Variants in PLEC observed in about 807,000 individuals in gnomAD.
PLEC encodes hemidesmosomal protein 1.
PLEC carries 216 observed loss-of-function variants against 392.8 expected under a neutral mutation model. That is an observed-to-expected ratio of 0.55 (90% CI 0.49 to 0.62). PLEC has a LOEUF of 0.62. PLEC is among the 20% of genes least tolerant of loss of function. The pLI is 0.00. For synonymous variants in PLEC, 3,621 were observed against 2,980.6 expected, an observed-to-expected ratio of 1.21 and a Z score of -7.00; for missense variants, 6,863 against 6,563.4, an observed-to-expected ratio of 1.05 and a Z score of -1.58.
At chr8:143,975,186 G>C, upstream of PLEC, 1 of 1,599,876 alleles carries the variant, frequency 6.3e-7, no homozygotes, top group Non-Finnish European at 8.5e-7. This position sits in a 1 kb window ranked among gnomAD's most constrained non-coding sequence, Gnocchi z 9.9. Context: ...CCTGCGATGC[G>C]AATGACCGCC....
Position 143,926,990 on chromosome 8 carries a change from C to A in PLEC, c.3932G>T (p.Ser1311Ile). The A allele has an allele frequency of 6.2e-7, 1 of 1,613,158 alleles. No homozygotes were observed. The highest frequency in any genetic ancestry group is 8.5e-7 in the Non-Finnish European group (1 of 1,179,876). ...KKPKVQSGSESVIQEYVDLRT... is the reference protein window; with the variant it reads ...KKPKVQSGSEIVIQEYVDLRT... ...GCCCCACCCTACCTCCTGGATGACA[C>A]TCTCTGATCCCGACTGGACCTTGGG... is the stretch of plus-strand genomic sequence containing the variant. Residue 1311 changes from serine (S) to isoleucine (I), a missense_variant, in exon 29 of 32, where the codon AGT (serine) becomes ATT (isoleucine). Physicochemically the swap from Ser to Ile is moderately radical, Grantham distance 142. Coordinates refer to ENST00000345136, the MANE Select transcript of PLEC (RefSeq NM_201384.3).
At chr8:143,938,365 C>G (rs1554725411) in intron 2 of PLEC, 125 bp from the exon 3 acceptor site, 20 of 1,535,710 alleles carry the variant, frequency 1.3e-5, no homozygotes, top group Non-Finnish European at 1.7e-5. Flanking sequence ...CTCCCGGGAG[C>G]CCACGGAACA....
chr8:143,936,083 A>G (rs908780049), intron 5 of PLEC, 69 bp from the exon 6 acceptor site: 2 of 1,558,090 alleles, frequency 1.3e-6, no homozygotes, highest in Non-Finnish European at 1.8e-6. Context: ...CCACAGCCAC[A>G]TGCACAGGGG....
upstream of PLEC, chr8:143,975,511 C>A (rs1433950201): frequency 7.0e-6 from 5 of 718,366 alleles, no homozygotes; most frequent in Admixed American, 2.0e-5. This position sits in a 1 kb window ranked among gnomAD's most constrained non-coding sequence, Gnocchi z 9.9. Context: ...GGCACCCACA[C>A]CCCTCCTGCA....
In PLEC at chr8:143,917,450, T is replaced by C; in HGVS notation, c.12371A>G (p.Lys4124Arg). 6.2e-7 allele frequency: 1 copy of C among 1,613,682 alleles called. No homozygotes were observed. The highest frequency in any genetic ancestry group is 1.1e-5 in the South Asian group (1 of 91,084). Residue 4124 changes from lysine to arginine, a missense_variant, in exon 32 of 32, where the codon AAG (lysine) becomes AGG (arginine). By Grantham distance (26) the Lys-to-Arg change is conservative (BLOSUM62 2). Transcript: ENST00000345136. Reference sequence around the variant, plus strand: ...GGAGGACGTCTTCCGCTCCCGCTTCTTCTCCTTCAGCGGCAAGAGACACAG... The same window carrying C: ...GGAGGACGTCTTCCGCTCCCGCTTCCTCTCCTTCAGCGGCAAGAGACACAG... ...TGLCLLPLKEKKRERKTSSKS... is the reference protein window; with the variant it reads ...TGLCLLPLKERKRERKTSSKS...
rs1276096942 is a variant in PLEC, at chr8:143,933,274, G to A, written c.1341C>T (p.Ser447=). The A allele has an allele frequency of 6.2e-7, 1 of 1,613,072 alleles. No homozygotes were observed. Among genetic ancestry groups the A allele is most frequent in the East Asian group, 2.2e-5 (1 of 44,888 alleles). The change falls in exon 13 of 32, where the codon AGC becomes AGT. Residue 447 remains serine (S), a synonymous_variant. Coordinates refer to ENST00000345136, the MANE Select transcript of PLEC (RefSeq NM_201384.3). The part of the protein sequence containing the change: ...EVERDLDKAD[S]MIRLLFNDVQ... ...CGTCGTTGAAGAGCAGCCGGATCATGCTATCCGCCTTGTCCAAGTCCCGTT... is the reference window on the plus strand; with the variant it reads ...CGTCGTTGAAGAGCAGCCGGATCATACTATCCGCCTTGTCCAAGTCCCGTT...
chr8:143,931,877 T>A, intron 18 of PLEC, 60 bp downstream of exon 18: 1 of 1,491,048 alleles, frequency 6.7e-7, no homozygotes, highest in Non-Finnish European at 9.2e-7. Context: ...GCCGAGGGGG[T>A]CCAGGGGCTC....
In PLEC at chr8:143,933,983, C is replaced by CCCACCGACTGCTG. The variant is rs782198482; in HGVS notation, c.1263+14_1263+15insCAGCAGTCGGTGG. 6 of 1,604,188 alleles carry CCCACCGACTGCTG rather than the reference C, an allele frequency of 3.7e-6. No individual in the cohort carries two copies. The African/African-American group carries it at 8.0e-5, about 21-fold the overall frequency. ...GGCCTCCCTCCCGCCCACTGCCTGC[C>CCCACCGACTGCTG]CCACACCCCCTCACCGACTGCAGCA... On this transcript the variant is annotated intron_variant, in intron 12 of 31. Transcript: ENST00000345136.
In PLEC at chr8:143,927,475, C is replaced by G. The variant is rs1554707525; in HGVS notation, c.3691G>C (p.Glu1231Gln). ...AWLQDARRRQ[E>Q]QIQAMPLADS... is the part of the protein sequence containing the mutation. ...GCCAGCGGCATGGCCTGGATCTGCTCCTGCCGCCGCCTGGCGTCCTGCAGC... is the reference window on the plus strand; with the variant it reads ...GCCAGCGGCATGGCCTGGATCTGCTGCTGCCGCCGCCTGGCGTCCTGCAGC... Residue 1231 changes from glutamate to glutamine, a missense_variant, in exon 27 of 32, where the codon GAG becomes CAG. Transcript: ENST00000345136. 6.3e-7 allele frequency: 1 copy of G among 1,596,990 alleles called. No homozygotes were observed. The highest frequency in any genetic ancestry group is 1.1e-5 in the South Asian group (1 of 90,902).
Position 143,929,430 on chromosome 8 carries a change from C to A in PLEC, c.3065G>T (p.Arg1022Leu), listed in dbSNP as rs782471913. The A allele has an allele frequency of 2.3e-5, 36 of 1,571,696 alleles. No individual in the cohort carries two copies. The highest frequency in any genetic ancestry group is 3.0e-5 in the Non-Finnish European group (35 of 1,160,706). ...DKEPARECAQRIAEQQKAQAE... is the reference protein window; with the variant it reads ...DKEPARECAQLIAEQQKAQAE... ...GGCCCCTGCCTGCTGCTCGGCGATGCGCTGGGCACACTCCCGTGCCGGCTC... is the reference window on the plus strand; with the variant it reads ...GGCCCCTGCCTGCTGCTCGGCGATGAGCTGGGCACACTCCCGTGCCGGCTC... Residue 1022 changes from arginine to leucine, a missense_variant, in exon 24 of 32, where the codon CGC becomes CTC. Arg to Leu is a moderately radical substitution (Grantham distance 102, BLOSUM62 -2). Transcript: ENST00000345136.
upstream of PLEC, among the ~76,000 whole-genome samples, chr8:143,943,461 G>A (rs924670374): frequency 4.6e-5 from 7 of 152,338 alleles, no homozygotes; most frequent in East Asian, 1.4e-3. Context: ...GGCCGGACAG[G>A]CACCTGCCCA....
Position 143,935,008 on chromosome 8 carries a change from C to T in PLEC, c.825+3G>A. The stretch of plus-strand genomic sequence containing the variant: ...CCCCCTGCCCTCCGGGCCCCCCACT[C>T]ACGTTGGCCCTCACCCCATCCTGCA... On this transcript the variant is annotated splice_donor_region_variant and intron_variant, in intron 8 of 31. Coordinates refer to ENST00000345136, the MANE Select transcript of PLEC (RefSeq NM_201384.3). 15 of 1,612,274 alleles carry T rather than the reference C, an allele frequency of 9.3e-6. No homozygotes were observed. Among genetic ancestry groups the T allele is most frequent in the Non-Finnish European group, 1.3e-5 (15 of 1,179,662 alleles).
chr8:143,976,207 C>A (rs1002501987), upstream of PLEC, among the ~76,000 whole-genome samples: 5 of 152,184 alleles, frequency 3.3e-5, no homozygotes, highest in African/African-American at 9.7e-5. Flanking sequence ...ACACCGGCAC[C>A]GCGGACGCAA....
At chr8:143,950,624 T>C in exon 1 of PLEC, 1 of 1,602,018 alleles carries the variant, frequency 6.2e-7, no homozygotes, top group Non-Finnish European at 8.5e-7. Context: ...CCGGTCCTTC[T>C]TGGCCACCAT....
upstream of PLEC, among the ~76,000 whole-genome samples, chr8:143,941,634 C>G (rs1830470234): frequency 6.6e-6 from 1 of 151,910 alleles, no homozygotes; most frequent in African/African-American, 2.4e-5. Context: ...CCTCTTTGCT[C>G]TGAGCTCTTC....
At chr8:143,956,397 G>A (rs560024543), upstream of PLEC, among the ~76,000 whole-genome samples, 28 of 152,266 alleles carry the variant, frequency 1.8e-4, no homozygotes, top group East Asian at 3.9e-4. Flanking sequence ...GCAAGACACC[G>A]TCTCTGCAAA....
upstream of PLEC, among the ~76,000 whole-genome samples, chr8:143,941,424 TCAGGAATGGGG>T (rs1433615601): frequency 2.8e-4 from 42 of 151,032 alleles, no homozygotes; most frequent in African/African-American, 9.3e-4. Flanking sequence ...CGGGCCAGGG[TCAGGAATGGGG>T]CAGGGGCTCA....
chr8:143,923,426 T>A lies in PLEC; in HGVS notation c.6503A>T (p.Glu2168Val), dbSNP rs782775320. Residue 2168 changes from glutamate (E) to valine (V), a missense_variant, in exon 31 of 32, where the codon GAG becomes GTG. Transcript: ENST00000345136. ...CTGCTCGGCGAATTTCTTATGCTTC[T>A]CCATCTCCGCGTCAGCTGCCTGCTT... ...RQKQAADAEM[E>V]KHKKFAEQTL... 1.2e-6 allele frequency: 2 copies of A among 1,610,292 alleles called. No individual in the cohort carries two copies. The highest frequency in any genetic ancestry group is 1.7e-5 in the Admixed American group (1 of 59,988).
chr8:143,930,298 C>T lies in PLEC; in HGVS notation c.2458G>A (p.Val820Met), dbSNP rs781793434. 1.9e-6 allele frequency: 3 copies of T among 1,601,966 alleles called. No homozygotes were observed. The highest frequency in any genetic ancestry group is 1.3e-5 in the African/African-American group (1 of 74,876). ...LAVCDYKQVE[V>M]TVHKGDECQL... ...CACTCGTCACCCTTGTGCACAGTCA[C>T]CTGGGACGGGCAGAGTCGGTGAGGA... The change falls in exon 21 of 32, where the codon GTG becomes ATG. Residue 820 changes from valine (V) to methionine (M), a missense_variant and splice_region_variant. Transcript: ENST00000345136.
Sources: gnomAD v4.1 joint callset for allele counts (sites outside exome capture counted in the v4.1 genomes callset) on GRCh38, gnomAD v4.1.1 for gene constraint, Gnocchi (gnomAD v3.1) non-coding constraint, MANE v1.5 for transcripts, NCBI Gene and HGNC (gene_info 2026-07-23, HGNC 2026-07-21) for gene names.